FSIP2: variants seen among roughly 807,000 people sequenced by gnomAD.
FSIP2 encodes fibrous sheath interacting protein 2, also known as fibrous sheath-interacting protein 2.
Under a neutral mutation model 510.5 loss-of-function variants are expected in FSIP2, and 367 were observed. That is an observed-to-expected ratio of 0.72 (90% CI 0.66 to 0.78). The LOEUF is 0.78. Among genes scored for constraint, FSIP2 ranks in the 30% least tolerant of loss-of-function variants. The pLI is 0.00. For missense variants in FSIP2, 7,594 were observed against 7,901.7 expected (o/e 0.96, Z 1.48); for synonymous variants, 2,601 against 2,732.2 (o/e 0.95, Z 1.50).
At position 185,806,851 on chromosome 2, in the gene FSIP2, C is replaced by G. The variant is rs1693593478; in HGVS notation, c.17545C>G (p.Pro5849Ala). The change falls in exon 17 of 23, where the codon CCA becomes GCA. Residue 5849 changes from proline (P) to alanine (A), a missense_variant. Physicochemically the swap from Pro to Ala is conservative, Grantham distance 27. Transcript: ENST00000424728. The part of the protein sequence containing the change: ...FSDAQIKVFR[P>A]DKGNQFPGGK... The stretch of plus-strand genomic sequence containing the variant: ...AGATGCTCAAATTAAGGTTTTCAGG[C>G]CAGATAAGGGAAATCAGTTCCCTGG... 6.2e-7 allele frequency: 1 copy of G among 1,609,326 alleles called. No homozygotes were observed. The highest frequency in any genetic ancestry group is 1.3e-5 in the African/African-American group (1 of 74,724).
chr2:185,804,894 T>C lies in FSIP2; in HGVS notation c.15588T>C (p.Asn5196=). 6.6e-7 allele frequency: 1 copy of C among 1,524,664 alleles called. No individual in the cohort carries two copies. The highest frequency in any genetic ancestry group is 8.8e-7 in the Non-Finnish European group (1 of 1,142,338). The allele number at this position is 1,524,664 out of a possible 1,614,324, so 94.4% of individuals were successfully genotyped here. The change falls in exon 17 of 23, where the codon AAT becomes AAC. Residue 5196 remains asparagine, a synonymous_variant. Coordinates refer to ENST00000424728, the MANE Select transcript of FSIP2 (RefSeq NM_173651.4). ...PIENLVDSIC[N]NILKTSEFQA... is the part of the protein sequence containing the mutation. ...AAAATTTGGTCGACTCCATATGTAA[T>C]AATATTTTGAAAACATCTGAATTCC...
intron 2 of FSIP2, among the ~76,000 whole-genome samples, chr2:185,741,937 C>T (rs186287531): frequency 3.3e-5 from 5 of 152,256 alleles, no homozygotes; most frequent in Admixed American, 6.5e-5. Flanking sequence ...ACTGTGGTTA[C>T]GGCCAGACTG....
In FSIP2 at chr2:185,802,934, T is replaced by C; in HGVS notation, c.13628T>C (p.Leu4543Pro). Residue 4543 changes from leucine to proline, a missense_variant, in exon 17 of 23, where the codon CTT becomes CCT. Physicochemically the swap from Leu to Pro is moderately conservative, Grantham distance 98. Transcript: ENST00000424728. ...FIYSEDDIQHLVDSVFANVVQ... is the reference protein window; with the variant it reads ...FIYSEDDIQHPVDSVFANVVQ... The stretch of plus-strand genomic sequence containing the variant: ...TATTCAGAAGATGATATTCAGCACC[T>C]TGTTGATTCAGTATTTGCAAATGTT... The C allele has an allele frequency of 2.6e-6, 4 of 1,514,650 alleles. No individual in the cohort carries two copies. The highest frequency in any genetic ancestry group is 3.5e-6 in the Non-Finnish European group (4 of 1,139,176). 93.8% of individuals were successfully genotyped at this position (1,514,650 alleles called of 1,614,324 possible).
At chr2:185,783,900 T>G (rs1042875239) in intron 14 of FSIP2, 1 of 152,174 alleles carries the variant, frequency 6.6e-6, no homozygotes, top group Non-Finnish European at 1.5e-5. Flanking sequence ...ATTTTGGATA[T>G]TGTTTCATTA....
chr2:185,793,019 G>T lies in FSIP2; in HGVS notation c.5883G>T (p.Leu1961Phe). 2 of 1,534,218 alleles carry T rather than the reference G, an allele frequency of 1.3e-6. No homozygotes were observed. The highest frequency in any genetic ancestry group is 2.4e-5 in the South Asian group (2 of 84,014). Reference protein sequence around the residue: ...ALPIQQDHSTLSKALSAKDSY... With the variant: ...ALPIQQDHSTFSKALSAKDSY... The stretch of plus-strand genomic sequence containing the variant: ...CTATTCAGCAAGATCACAGTACATT[G>T]AGCAAAGCATTATCAGCCAAAGATT... Residue 1961 changes from leucine to phenylalanine, a missense_variant, in exon 16 of 23, where the codon TTG becomes TTT. Physicochemically the swap from Leu to Phe is conservative, Grantham distance 22 (BLOSUM62 0). Transcript: ENST00000424728.
At position 185,808,590 on chromosome 2, in the gene FSIP2, C is replaced by T; in HGVS notation, c.19284C>T (p.Asn6428=). Residue 6428 remains asparagine, a synonymous_variant, in exon 17 of 23, where the codon AAC becomes AAT. Transcript: ENST00000424728. ...AGGTTGTCGATTCCGTTTATAGTAA[C>T]ATACTGCAACAATCAGGAACCAACA... ...IYQVVDSVYS[N]ILQQSGTNKE... 1.9e-6 allele frequency: 3 copies of T among 1,609,168 alleles called. No individual in the cohort carries two copies. Among genetic ancestry groups the T allele is most frequent in the Non-Finnish European group, 2.5e-6 (3 of 1,177,598 alleles).
Position 185,743,114 on chromosome 2 carries a change from T to C in FSIP2, c.226-19T>C. 7.1e-7 allele frequency: 1 copy of C among 1,410,570 alleles called. No homozygotes were observed. The highest frequency in any genetic ancestry group is 1.5e-5 in the African/African-American group (1 of 67,496). The allele number at this position is 1,410,570 out of a possible 1,614,324, so 87.4% of individuals were successfully genotyped here. ...TGAAAATGCATTAATTTTACATATT[T>C]TTGAATCTGTGTTTGCAGCTTTTTC... On this transcript the variant is annotated intron_variant, in intron 2 of 22. Coordinates refer to ENST00000424728, the MANE Select transcript of FSIP2 (RefSeq NM_173651.4).
intron 8 of FSIP2, among the ~76,000 whole-genome samples, chr2:185,755,638 T>C (rs912963757): frequency 6.6e-6 from 1 of 151,478 alleles, no homozygotes; most frequent in Admixed American, 6.6e-5. Flanking sequence ...AAAGGAAGTA[T>C]CAGAAGAATC....
chr2:185,766,832 G>A lies in FSIP2; in HGVS notation c.1411+2267G>A, dbSNP rs1438121152. 1.4e-4 allele frequency among the ~76,000 whole-genome samples: 19 copies of A among 134,186 alleles called. No individual in the cohort carries two copies. In the South Asian group the frequency reaches 4.0e-3, roughly 28 times the overall value. The allele number at this position is 134,186 out of a possible 152,430, so 88.0% of individuals were successfully genotyped here. ...CCCATTACTGGGTATATACCCAAAGGACTATAAATCATGCTGCTATAAAGA... is the reference window on the plus strand; with the variant it reads ...CCCATTACTGGGTATATACCCAAAGAACTATAAATCATGCTGCTATAAAGA... On this transcript the variant is annotated intron_variant, in intron 13 of 22. Coordinates refer to ENST00000424728, the MANE Select transcript of FSIP2 (RefSeq NM_173651.4).
intron 7 of FSIP2, among the ~76,000 whole-genome samples, chr2:185,753,022 A>G (rs1692178730): frequency 6.6e-6 from 1 of 151,246 alleles, no homozygotes; most frequent in African/African-American, 2.4e-5. Context: ...ATCTGGGGCT[A>G]GTTGTTTCCT....
At position 185,794,305 on chromosome 2, in the gene FSIP2, G is replaced by A. The variant is rs1344492292; in HGVS notation, c.7169G>A (p.Ser2390Asn). The A allele has an allele frequency of 1.6e-5, 25 of 1,523,914 alleles. 1 individual carries two copies. In the South Asian group the frequency reaches 2.7e-4, roughly 16 times the overall value. 94.4% of individuals were successfully genotyped at this position (1,523,914 alleles called of 1,614,324 possible). A position where few individuals can be genotyped will look rare whatever the true frequency, so the allele number is the denominator to read the frequency against. Residue 2390 changes from serine to asparagine, a missense_variant, in exon 16 of 23, where the codon AGT becomes AAT. Transcript: ENST00000424728. ...TTGTTCCAAGAAAACATCATTGTGA[G>A]TGAAATTGTTGACAGTATGTTAAAG... ...NILFQENIIV[S>N]EIVDSMLKML...
Position 185,756,327 on chromosome 2 carries a change from G to A in FSIP2, c.1078+49G>A, listed in dbSNP as rs541480643. The A allele has an allele frequency of 3.8e-4, 250 of 654,308 alleles. 2 individuals are homozygous for A. In the African/African-American group the frequency reaches 4.3e-3, roughly 11 times the overall value. 40.5% of individuals were successfully genotyped at this position (654,308 alleles called of 1,614,324 possible). ...ACACTAGATACTAAACAATAATTTG[G>A]GGGAAAGACAGTTTTGTAACAACTT... is the stretch of plus-strand genomic sequence containing the variant. On this transcript the variant is annotated intron_variant, in intron 9 of 22. Transcript: ENST00000424728.
In FSIP2 at chr2:185,761,102, A is replaced by C; in HGVS notation, c.1193A>C (p.Lys398Thr). 1 of 1,245,068 alleles carries C rather than the reference A, an allele frequency of 8.0e-7. No homozygotes were observed. Among genetic ancestry groups the C allele is most frequent in the African/African-American group, 1.5e-5 (1 of 65,156 alleles). 77.1% of individuals were successfully genotyped at this position (1,245,068 alleles called of 1,614,324 possible). A position where few individuals can be genotyped will look rare whatever the true frequency, so the allele number is the denominator to read the frequency against. ...GTACAGGATAATGGTATAAATCAAA[A>C]GGTATACAATTATGCTTTAAAGTTT... The part of the protein sequence containing the change: ...ADVQDNGINQ[K>T]RDGMVSKNSS... Residue 398 changes from lysine (K) to threonine (T), a missense_variant and splice_region_variant, in exon 10 of 23, where the codon AAG becomes ACG. Coordinates refer to ENST00000424728, the MANE Select transcript of FSIP2 (RefSeq NM_173651.4).
In FSIP2 at chr2:185,804,964, C is replaced by A; in HGVS notation, c.15658C>A (p.Leu5220Ile). ...TGCAGACAAAAAAGGATGCTCATTCCTCAGTAAATTAGCTGGTTTTATTAT... is the reference window on the plus strand; with the variant it reads ...TGCAGACAAAAAAGGATGCTCATTCATCAGTAAATTAGCTGGTTTTATTAT... ...KDADKKGCSF[L>I]SKLAGFIMKE... is the part of the protein sequence containing the mutation. The change falls in exon 17 of 23, where the codon CTC becomes ATC. Residue 5220 changes from leucine (L) to isoleucine (I), a missense_variant. Physicochemically the swap from Leu to Ile is conservative, Grantham distance 5. Coordinates refer to ENST00000424728, the MANE Select transcript of FSIP2 (RefSeq NM_173651.4). 1 of 1,540,268 alleles carries A rather than the reference C, an allele frequency of 6.5e-7. No individual in the cohort carries two copies.
At chr2:185,783,573 T>A (rs891613772) in intron 14 of FSIP2, 1 of 152,142 alleles carries the variant, frequency 6.6e-6, no homozygotes, top group Non-Finnish European at 1.5e-5. Context: ...ACTTTAAGAC[T>A]GATAAATATC....
chr2:185,767,685 G>GTGTTTATTTATT (rs1270790092), intron 13 of FSIP2, among the ~76,000 whole-genome samples: 54 of 152,138 alleles, frequency 3.5e-4, no homozygotes, highest in African/African-American at 1.3e-3. Flanking sequence ...CTGTGTATCT[G>GTGTTTATTTATT]TGTTTATTTA....
chr2:185,770,095 C>T (rs1692575984), intron 13 of FSIP2, among the ~76,000 whole-genome samples: 1 of 152,046 alleles, frequency 6.6e-6, no homozygotes, highest in Non-Finnish European at 1.5e-5. Flanking sequence ...ATAATGTTTT[C>T]TTGTTGTGTG....
Position 185,791,195 on chromosome 2 carries a change from G to T in FSIP2, c.4059G>T (p.Leu1353Phe). ...SLVTSIDDDI[L>F]ASPLLTCIYD... ...TCACGAGTATTGATGATGACATTTT[G>T]GCGAGTCCATTATTAACCTGTATTT... is the stretch of plus-strand genomic sequence containing the variant. The change falls in exon 16 of 23, where the codon TTG (leucine) becomes TTT (phenylalanine). Residue 1353 changes from leucine (L) to phenylalanine (F), a missense_variant. Leu to Phe is a conservative substitution (Grantham distance 22). Coordinates refer to ENST00000424728, the MANE Select transcript of FSIP2 (RefSeq NM_173651.4). 1 of 1,533,718 alleles carries T rather than the reference G, an allele frequency of 6.5e-7. No homozygotes were observed. The highest frequency in any genetic ancestry group is 2.4e-5 in the East Asian group (1 of 40,844).
Position 185,807,584 on chromosome 2 carries a change from T to C in FSIP2, c.18278T>C (p.Leu6093Ser). ...GTTCAGTCTGTTTATAATAATCTCTTGCCACAGTTTGGATCACAAGAGATT... is the reference window on the plus strand; with the variant it reads ...GTTCAGTCTGTTTATAATAATCTCTCGCCACAGTTTGGATCACAAGAGATT... ...LVVQSVYNNLLPQFGSQEIIQ... is the reference protein window; with the variant it reads ...LVVQSVYNNLSPQFGSQEIIQ... Residue 6093 changes from leucine (L) to serine (S), a missense_variant, in exon 17 of 23, where the codon TTG (leucine) becomes TCG (serine). Coordinates refer to ENST00000424728, the MANE Select transcript of FSIP2 (RefSeq NM_173651.4). The C allele has an allele frequency of 6.2e-7, 1 of 1,612,484 alleles. No individual in the cohort carries two copies. The highest frequency in any genetic ancestry group is 1.1e-5 in the South Asian group (1 of 90,910).
Sources: allele counts gnomAD v4.1 joint callset (sites outside exome capture counted in the v4.1 genomes callset), GRCh38; gene constraint gnomAD v4.1.1; transcripts MANE v1.5; gene names NCBI Gene and HGNC (gene_info 2026-07-23, HGNC 2026-07-21).